Variants in CADM2 observed in about 807,000 individuals in gnomAD.
The protein encoded by CADM2 is cell adhesion molecule 2, also known as immunoglobulin superfamily member 4D.
In CADM2, 12 loss-of-function variants were observed where a neutral mutation model predicts 49.8. The observed-to-expected ratio is 0.24, with a 90% CI of 0.15 to 0.39. CADM2 has a LOEUF of 0.39. Ranked by LOEUF, CADM2 falls within the 10% of genes least tolerant of loss-of-function variation. CADM2 has a pLI of 1.00. For synonymous variants in CADM2, 214 were observed against 175.4 expected (o/e 1.22, Z -1.74); for missense variants, 378 against 492.3 (o/e 0.77, Z 2.20).
chr3:85,984,284 C>A (rs1448174266), intron 8 of CADM2, among the ~76,000 whole-genome samples: 1 of 150,710 alleles, frequency 6.6e-6, no homozygotes, highest in Admixed American at 6.7e-5. Context: ...TTCCAAGTGA[C>A]TTTGATATGA....
intron 1 of CADM2, among the ~76,000 whole-genome samples, chr3:85,029,005 T>A (rs1305748273): frequency 2.0e-5 from 3 of 151,900 alleles, no homozygotes; most frequent in African/African-American, 4.8e-5. Context: ...TTTAATACTA[T>A]TATAACACGT....
intron 1 of CADM2, among the ~76,000 whole-genome samples, chr3:85,088,013 ATTTG>A (rs1203533124): frequency 2.0e-5 from 3 of 152,124 alleles, no homozygotes; most frequent in Non-Finnish European, 4.4e-5. Flanking sequence ...TTCAGTAAAT[ATTTG>A]TTTGTTCAAG....
In CADM2 at chr3:85,538,839, G is replaced by A. The variant is rs557254845; in HGVS notation, c.62-187683G>A. Among the ~76,000 whole-genome samples the A allele has an allele frequency of 2.0e-5, 3 of 152,178 alleles. No homozygotes were observed. In the South Asian group the frequency reaches 6.2e-4, roughly 32 times the overall value. ...TGATGGCTGGGATACAGGAAAGAGT[G>A]CCTAATCAGCTACACTGACCTTTAA... On this transcript the variant is annotated intron_variant, in intron 1 of 9. Coordinates refer to ENST00000383699, the MANE Select transcript of CADM2 (RefSeq NM_001167675.2).
chr3:85,210,211 AT>A (rs2041745208), intron 1 of CADM2, among the ~76,000 whole-genome samples: 1 of 152,138 alleles, frequency 6.6e-6, no homozygotes. Context: ...TTATCAAACT[AT>A]TTTTAGCATC....
intron 1 of CADM2, among the ~76,000 whole-genome samples, chr3:85,322,485 C>A (rs991352711): frequency 1.3e-5 from 2 of 152,216 alleles, no homozygotes; most frequent in African/African-American, 4.8e-5. Context: ...TCATTTTTAC[C>A]TGTTGACAGC....
chr3:85,794,511 T>C (rs1001748324), intron 2 of CADM2, among the ~76,000 whole-genome samples: 4 of 152,164 alleles, frequency 2.6e-5, no homozygotes, highest in Admixed American at 6.6e-5. Context: ...AAGTAAACAC[T>C]AGAAGGAGAG....
At chr3:85,924,485 C>T (rs899061792) in intron 6 of CADM2, among the ~76,000 whole-genome samples, 2 of 151,798 alleles carry the variant, frequency 1.3e-5, no homozygotes, top group Admixed American at 6.6e-5. Flanking sequence ...CCAGCTACAT[C>T]GGGGGCCAAA....
rs10575918 is a variant in CADM2, at chr3:85,232,134, A to ATAT, written c.61+272495_61+272497dup. Among the ~76,000 whole-genome samples the ATAT allele has an allele frequency of 8.0e-3, 1,178 of 146,362 alleles. 9 individuals carry two copies. The highest frequency in any genetic ancestry group is 0.036 in the Middle Eastern group (10 of 276). On this transcript the variant is annotated intron_variant, in intron 1 of 9. Transcript: ENST00000383699. ...TTGTGTTATTTTGTTCGATTTGAAGATATTATTATTATTATTATTATTATT... is the reference window on the plus strand; with the variant it reads ...TTGTGTTATTTTGTTCGATTTGAAGATATTATTATTATTATTATTATTATTATT...
chr3:85,670,797 T>C (rs551198119), intron 1 of CADM2, among the ~76,000 whole-genome samples: 1 of 152,286 alleles, frequency 6.6e-6, no homozygotes, highest in African/African-American at 2.4e-5. Context: ...TGAAGAATGT[T>C]GTCATTCATA....
At chr3:85,909,467 A>G (rs1307833711) in intron 5 of CADM2, among the ~76,000 whole-genome samples, 2 of 151,740 alleles carry the variant, frequency 1.3e-5, no homozygotes, top group African/African-American at 2.4e-5. Flanking sequence ...AAATAACAAG[A>G]GAGAGAAAAA....
At chr3:85,772,898 T>A (rs61325324) in intron 2 of CADM2, among the ~76,000 whole-genome samples, 7,466 of 146,706 alleles carry the variant, frequency 0.051, 514 homozygotes, top group African/African-American at 0.16. Flanking sequence ...TTTTTTTTTC[T>A]TTTCCTCATC....
rs1028736177 is a variant in CADM2, at chr3:85,240,458, A to G, written c.61+280790A>G. Among the ~76,000 whole-genome samples, 4 of 151,540 alleles carry G rather than the reference A, an allele frequency of 2.6e-5. 1 individual carries two copies. Among genetic ancestry groups the G allele is most frequent in the Non-Finnish European group, 5.9e-5 (4 of 67,562 alleles). On this transcript the variant is annotated intron_variant, in intron 1 of 9. Coordinates refer to ENST00000383699, the MANE Select transcript of CADM2 (RefSeq NM_001167675.2). ...TATTGCTCATAAAATATTTAATTAG[A>G]CCAACATCAACAACATATTCAATCA...
At chr3:85,046,819 T>G (rs1029775654) in intron 1 of CADM2, among the ~76,000 whole-genome samples, 1 of 152,104 alleles carries the variant, frequency 6.6e-6, no homozygotes, top group African/African-American at 2.4e-5. Context: ...TAAATACTAT[T>G]CATTACATGT....
intron 1 of CADM2, among the ~76,000 whole-genome samples, chr3:85,148,794 A>C (rs1011009267): frequency 2.6e-5 from 4 of 152,214 alleles, no homozygotes; most frequent in African/African-American, 9.6e-5. Context: ...TAAGGAAGAG[A>C]AAGTATATTT....
intron 1 of CADM2, among the ~76,000 whole-genome samples, chr3:84,994,310 A>G (rs932984251): frequency 5.9e-5 from 9 of 152,152 alleles, no homozygotes; most frequent in Non-Finnish European, 4.4e-5. Context: ...AAGTGTCAAT[A>G]TTGTATGTGT....
intron 7 of CADM2, among the ~76,000 whole-genome samples, chr3:85,951,193 G>T (rs1456919019): frequency 3.3e-5 from 5 of 151,078 alleles, no homozygotes; most frequent in Admixed American, 6.6e-5. Flanking sequence ...AGAAACTGAA[G>T]AACATATCCA....
intron 1 of CADM2, among the ~76,000 whole-genome samples, chr3:84,967,484 G>A (rs921950230): frequency 2.0e-5 from 3 of 152,082 alleles, no homozygotes; most frequent in Admixed American, 6.6e-5. Flanking sequence ...GAGAAATAAT[G>A]TATTATGAAT....
At chr3:84,985,355 T>C (rs2032492196) in intron 1 of CADM2, among the ~76,000 whole-genome samples, 1 of 152,166 alleles carries the variant, frequency 6.6e-6, no homozygotes, top group East Asian at 1.9e-4. Context: ...CAAAATATGG[T>C]TCATTAAACC....
chr3:85,932,339 C>G (rs534726902), intron 6 of CADM2, among the ~76,000 whole-genome samples: 1 of 152,164 alleles, frequency 6.6e-6, no homozygotes, highest in African/African-American at 2.4e-5. Flanking sequence ...ATGTGCCAAG[C>G]CTTTTAGATA....
Sources: gnomAD v4.1 joint callset for allele counts (sites outside exome capture counted in the v4.1 genomes callset) on GRCh38, gnomAD v4.1.1 for gene constraint, MANE v1.5 for transcripts, NCBI Gene and HGNC (gene_info 2026-07-23, HGNC 2026-07-21) for gene names.